Variants in ATP2A2 observed in about 807,000 individuals in gnomAD.
ATP2A2 encodes the protein ATPase sarcoplasmic/endoplasmic reticulum Ca2+ transporting 2, also known as sarcoplasmic/endoplasmic reticulum calcium ATPase 2.
In ATP2A2, 14 loss-of-function variants were observed where a neutral mutation model predicts 109.3. The ratio of observed to expected loss-of-function variants is 0.13; its 90% CI spans 0.08 to 0.20. The LOEUF (loss-of-function observed/expected upper bound fraction) is 0.20. Among genes scored for constraint, ATP2A2 ranks in the 10% least tolerant of loss-of-function variants. The pLI, the probability that ATP2A2 is intolerant of heterozygous loss-of-function variation, is 1.00. For synonymous variants in ATP2A2, 506 were observed against 490.9 expected, an observed-to-expected ratio of 1.03 and a Z score of -0.41; for missense variants, 657 against 1,321.6, an observed-to-expected ratio of 0.50 and a Z score of 7.80.
chr12:110,346,761 G>A lies in ATP2A2; in HGVS notation c.*291G>A. On this transcript the variant is annotated 3_prime_UTR_variant, in exon 20 of 20. Transcript: ENST00000539276. ...AGTGTTCTGTTTAATACTCATCCTT[G>A]TATAAAAAAAATAGTTGAGCCAGCA... The A allele has an allele frequency of 8.4e-7, 1 of 1,197,532 alleles. No homozygotes were observed. Among genetic ancestry groups the A allele is most frequent in the Non-Finnish European group, 1.0e-6 (1 of 960,754 alleles). 74.2% of individuals were successfully genotyped at this position (1,197,532 alleles called of 1,614,324 possible). A position where few individuals can be genotyped will look rare whatever the true frequency, so the allele number is the denominator to read the frequency against.
rs137891436 is a variant in ATP2A2 at position 110,340,115 on chromosome 12, T to C, written c.1761+394T>C. On this transcript the variant is annotated intron_variant, in intron 13 of 19. Coordinates refer to ENST00000539276, the MANE Select transcript of ATP2A2 (RefSeq NM_170665.4). This position sits in a 1 kb window ranked among gnomAD's most constrained non-coding sequence, Gnocchi z 6.0. ...TTCTACTCAGAGTAGAATTCTTTTA[T>C]ATCAAGGATGTGACATCCTAAAGCT... Among the ~76,000 whole-genome samples, 32 of 152,320 alleles carry C rather than the reference T, an allele frequency of 2.1e-4. No individual in the cohort carries two copies. The highest frequency in any genetic ancestry group is 7.5e-4 in the African/African-American group (31 of 41,566).
chr12:110,297,021 TA>T (rs1197921626), intron 5 of ATP2A2, among the ~76,000 whole-genome samples: 1 of 152,206 alleles, frequency 6.6e-6, no homozygotes, highest in Admixed American at 6.5e-5. Flanking sequence ...AGGTAAAACC[TA>T]ATGTTGATTT....
Position 110,350,082 on chromosome 12 carries a change from G to T in ATP2A2, c.*3612G>T. 6.9e-7 allele frequency: 1 copy of T among 1,449,538 alleles called. No homozygotes were observed. The highest frequency in any genetic ancestry group is 1.4e-5 in the African/African-American group (1 of 70,152). The allele number at this position is 1,449,538 out of a possible 1,614,324, so 89.8% of individuals were successfully genotyped here. A position where few individuals can be genotyped will look rare whatever the true frequency, so the allele number is the denominator to read the frequency against. ...TGTAGCCAGACGACACGAGGAGTCT[G>T]TGTCACTGAGCCAGTGCTTCTAGAT... On this transcript the variant is annotated 3_prime_UTR_variant, in exon 20 of 20. Coordinates refer to ENST00000539276, the MANE Select transcript of ATP2A2 (RefSeq NM_170665.4).
rs777449103 is a variant in ATP2A2 at position 110,346,290 on chromosome 12, C to G, written c.2949C>G (p.Leu983=). The change falls in exon 20 of 20, where the codon CTC becomes CTG. Residue 983 remains leucine (L), a synonymous_variant. Transcript: ENST00000539276. The stretch of plus-strand genomic sequence containing the variant: ...CCGTGATTCTCATGGATGAGACGCT[C>G]AAGTTTGTGGCCCGCAACTACCTGG... ...SLPVILMDET[L]KFVARNYLEP... 6.2e-7 allele frequency: 1 copy of G among 1,614,142 alleles called. No individual in the cohort carries two copies. Among genetic ancestry groups the G allele is most frequent in the South Asian group, 1.1e-5 (1 of 91,076 alleles).
Position 110,349,642 on chromosome 12 carries a change from T to C in ATP2A2, c.*3172T>C, listed in dbSNP as rs1265884836. The stretch of plus-strand genomic sequence containing the variant: ...GACTGAGGTGGGCAGACCTAAGACC[T>C]GAGACCACAAGATTAGCTCAGTGTC... On this transcript the variant is annotated 3_prime_UTR_variant, in exon 20 of 20. Coordinates refer to ENST00000539276, the MANE Select transcript of ATP2A2 (RefSeq NM_170665.4). 3.0e-6 allele frequency: 3 copies of C among 987,426 alleles called. No homozygotes were observed. Among genetic ancestry groups the C allele is most frequent in the South Asian group, 4.7e-5 (1 of 21,474 alleles). The allele number at this position is 987,426 out of a possible 1,614,324, so 61.2% of individuals were successfully genotyped here. A position where few individuals can be genotyped will look rare whatever the true frequency, so the allele number is the denominator to read the frequency against.
At position 110,340,972 on chromosome 12, in the gene ATP2A2, C is replaced by G. The variant is rs749271475; in HGVS notation, c.2075C>G (p.Ser692Cys). The change falls in exon 14 of 20, where the codon TCT becomes TGT. Residue 692 changes from serine to cysteine, a missense_variant. Coordinates refer to ENST00000539276, the MANE Select transcript of ATP2A2 (RefSeq NM_170665.4). The surrounding 1 kb of genome is among the most constrained non-coding windows in gnomAD (Gnocchi z 6.0). ...HKSKIVEFLQ[S>C]FDEITAMTGD... ...TCTAAAATCGTAGAATTTCTTCAGT[C>G]TTTTGATGAGATTACAGCTATGGTG... 6.2e-7 allele frequency: 1 copy of G among 1,614,056 alleles called. No individual in the cohort carries two copies. The highest frequency in any genetic ancestry group is 1.3e-5 in the African/African-American group (1 of 74,926).
At chr12:110,306,859 T>C (rs945304308) in intron 5 of ATP2A2, among the ~76,000 whole-genome samples, 1 of 151,964 alleles carries the variant, frequency 6.6e-6, no homozygotes, top group Non-Finnish European at 1.5e-5. Context: ...TCCTTGTGAG[T>C]TCAGGCCATC....
At chr12:110,338,420 G>T (rs1039239208) in intron 11 of ATP2A2, among the ~76,000 whole-genome samples, 1 of 152,186 alleles carries the variant, frequency 6.6e-6, no homozygotes, top group African/African-American at 2.4e-5. Context: ...GTTTAAGTCA[G>T]TGTCATTATA....
intron 5 of ATP2A2, among the ~76,000 whole-genome samples, chr12:110,318,999 C>T (rs1448605094): frequency 3.3e-5 from 5 of 152,020 alleles, no homozygotes; most frequent in African/African-American, 9.7e-5. Context: ...TTTTCTCTTG[C>T]ATTAATTTTT....
intron 4 of ATP2A2, among the ~76,000 whole-genome samples, chr12:110,293,374 TTTTTTTTTTTTTTTG>T (rs1289887391): frequency 2.6e-5 from 3 of 116,566 alleles, no homozygotes; most frequent in Non-Finnish European, 5.3e-5. Context: ...GGCCTTTTTT[TTTTTTTTTTTTTTTG>T]TTTGTTTGTT....
intron 5 of ATP2A2, among the ~76,000 whole-genome samples, chr12:110,311,615 A>AAC (rs1555279862): frequency 2.1e-4 from 31 of 150,396 alleles, no homozygotes; most frequent in Non-Finnish European, 3.4e-4. Flanking sequence ...AAAAAAAAAA[A>AAC]AAAAAAACGC....
Position 110,346,950 on chromosome 12 carries a change from C to T in ATP2A2, c.*480C>T, listed in dbSNP as rs1176745584. The T allele has an allele frequency of 1.8e-6, 2 of 1,101,146 alleles. No homozygotes were observed. The highest frequency in any genetic ancestry group is 1.5e-4 in the East Asian group (2 of 13,000). 68.2% of individuals were successfully genotyped at this position (1,101,146 alleles called of 1,614,324 possible). ...CATAAGCCAATTTTTCTGCACTGAG[C>T]AGAGTCTTGCTACCTCAGTCAGTAT... On this transcript the variant is annotated 3_prime_UTR_variant, in exon 20 of 20. Transcript: ENST00000539276.
chr12:110,297,694 C>T (rs986579950), intron 5 of ATP2A2, among the ~76,000 whole-genome samples: 1 of 152,040 alleles, frequency 6.6e-6, no homozygotes, highest in Admixed American at 6.6e-5. Context: ...TCTCAGCTCA[C>T]TGCAACCTCC....
chr12:110,350,284 C>T lies in ATP2A2; in HGVS notation c.*3814C>T. The T allele has an allele frequency of 5.0e-6, 8 of 1,614,178 alleles. No homozygotes were observed. The highest frequency in any genetic ancestry group is 3.3e-4 in the Middle Eastern group (2 of 6,062). On this transcript the variant is annotated 3_prime_UTR_variant, in exon 20 of 20. Transcript: ENST00000539276. Reference sequence around the variant, plus strand: ...ATGAAGCTGATTTCCTCTCTCTTTCCTTTTCAGCAATACTGGAGTAACCGC... The same window carrying T: ...ATGAAGCTGATTTCCTCTCTCTTTCTTTTTCAGCAATACTGGAGTAACCGC...
chr12:110,314,918 G>A (rs564848876), intron 5 of ATP2A2, among the ~76,000 whole-genome samples: 1 of 150,418 alleles, frequency 6.6e-6, no homozygotes, highest in South Asian at 2.1e-4. Context: ...CCAGGCTGGA[G>A]TGCAGTGGCA....
intron 5 of ATP2A2, among the ~76,000 whole-genome samples, chr12:110,310,389 G>A (rs1875895230): frequency 6.6e-6 from 1 of 152,106 alleles, no homozygotes; most frequent in African/African-American, 2.4e-5. Flanking sequence ...GCCTCCCAAA[G>A]TGCTGGGATT....
intron 11 of ATP2A2, among the ~76,000 whole-genome samples, chr12:110,337,356 C>A (rs972728249): frequency 6.6e-6 from 1 of 152,218 alleles, no homozygotes; most frequent in Admixed American, 6.5e-5. Flanking sequence ...TTCCCTCCCC[C>A]ACTCCCAGCC....
intron 16 of ATP2A2, among the ~76,000 whole-genome samples, chr12:110,344,077 G>A (rs924246561): frequency 2.0e-5 from 3 of 152,114 alleles, no homozygotes; most frequent in Admixed American, 6.5e-5. Flanking sequence ...GTGCCCTTCC[G>A]GAGAGATTCC....
Position 110,327,284 on chromosome 12 carries a change from G to A in ATP2A2, c.631-269G>A, listed in dbSNP as rs552791610. On this transcript the variant is annotated intron_variant, in intron 7 of 19. Transcript: ENST00000539276. The surrounding 1 kb of genome is among the most constrained non-coding windows in gnomAD (Gnocchi z 4.4). ...ATGAGTTTGAAAAATTGGGAACACA[G>A]AGGGGTTAAGAGCACTGCTTGAAGA... Among the ~76,000 whole-genome samples the A allele has an allele frequency of 2.1e-4, 32 of 152,316 alleles. No individual in the cohort carries two copies. In the Middle Eastern group the frequency reaches 0.01, roughly 49 times the overall value.
Sources: gnomAD v4.1 joint callset for allele counts (sites outside exome capture counted in the v4.1 genomes callset) on GRCh38, gnomAD v4.1.1 for gene constraint, Gnocchi (gnomAD v3.1) non-coding constraint, MANE v1.5 for transcripts, NCBI Gene and HGNC (gene_info 2026-07-23, HGNC 2026-07-21) for gene names.